The following SHC4 variants were observed in gnomAD, a reference collection of about 807,000 sequenced individuals.
SHC4 encodes the protein SHC-transforming protein 4.
Under a neutral mutation model 69.4 loss-of-function variants are expected in SHC4, and 41 were observed. The ratio of observed to expected loss-of-function variants is 0.59; its 90% confidence interval spans 0.46 to 0.77. The LOEUF (loss-of-function observed/expected upper bound fraction) is 0.77, where lower values mean the gene tolerates loss of function less well. Among genes scored for constraint, SHC4 ranks in the 30% least tolerant of loss-of-function variants. The pLI is 0.00. For synonymous variants in SHC4, 318 were observed against 299.3 expected (o/e 1.06, Z -0.64); for missense variants, 777 against 783.8 (o/e 0.99, Z 0.10).
At chr15:48,914,150 C>A (rs556542414) in intron 2 of SHC4, among the ~76,000 whole-genome samples, 2 of 152,240 alleles carry the variant, frequency 1.3e-5, no homozygotes, top group Non-Finnish European at 2.9e-5. Flanking sequence ...CATGAGCCAC[C>A]GCGCCCGGCG....
chr15:48,850,152 G>A (rs1254269629), intron 9 of SHC4, among the ~76,000 whole-genome samples: 2 of 152,148 alleles, frequency 1.3e-5, no homozygotes, highest in Admixed American at 6.5e-5. Flanking sequence ...GCAGTGAGCC[G>A]AGGTTGCGCC....
intron 1 of SHC4, among the ~76,000 whole-genome samples, chr15:48,958,761 A>G (rs1901493390): frequency 6.6e-6 from 1 of 152,200 alleles, no homozygotes; most frequent in African/African-American, 2.4e-5. Flanking sequence ...CTGCTGATGG[A>G]TGAATGGACT....
At chr15:48,943,758 T>C (rs1399958883) in intron 1 of SHC4, among the ~76,000 whole-genome samples, 1 of 152,172 alleles carries the variant, frequency 6.6e-6, no homozygotes, top group Non-Finnish European at 1.5e-5. Context: ...CCTTCACTTA[T>C]TGTCTCTTGT....
At chr15:48,861,535 C>G (rs961802958) in intron 6 of SHC4, among the ~76,000 whole-genome samples, 2 of 152,130 alleles carry the variant, frequency 1.3e-5, no homozygotes, top group African/African-American at 4.8e-5. Context: ...AGGATTAAAA[C>G]CAATTCCAAA....
At chr15:48,906,751 G>T (rs1900412087) in intron 2 of SHC4, among the ~76,000 whole-genome samples, 1 of 152,184 alleles carries the variant, frequency 6.6e-6, no homozygotes, top group African/African-American at 2.4e-5. Flanking sequence ...GGTTCCATGA[G>T]CTGCCCCAAT....
chr15:48,894,835 G>C (rs759021236), intron 2 of SHC4, among the ~76,000 whole-genome samples: 1 of 152,028 alleles, frequency 6.6e-6, no homozygotes, highest in Non-Finnish European at 1.5e-5. Context: ...TGCCAGGTTG[G>C]AGTGCAGTGG....
intron 1 of SHC4, among the ~76,000 whole-genome samples, chr15:48,939,138 G>T (rs770786532): frequency 1.3e-5 from 2 of 152,182 alleles, no homozygotes; most frequent in Non-Finnish European, 2.9e-5. Flanking sequence ...ATTGTCTTCA[G>T]TTCTACCTGC....
chr15:48,883,585 TA>T (rs776823182), intron 4 of SHC4, among the ~76,000 whole-genome samples: 8 of 152,164 alleles, frequency 5.3e-5, no homozygotes, highest in Non-Finnish European at 8.8e-5. Flanking sequence ...TTTAAAAAAT[TA>T]AAAGCAAGCC....
intron 6 of SHC4, among the ~76,000 whole-genome samples, chr15:48,863,878 A>G (rs2140988307): frequency 6.6e-6 from 1 of 152,286 alleles, no homozygotes; most frequent in South Asian, 2.1e-4. Context: ...GGGTAATCTT[A>G]CGAAAACCGC....
In SHC4 at chr15:48,830,898, G is replaced by T. The variant is rs534979478; in HGVS notation, c.1737+3871C>A. The stretch of plus-strand genomic sequence containing the variant: ...AGAATAAGGCATTGTTATCATAGGA[G>T]ATGACAACTCCATGCAAGTTATTGC... On this transcript the variant is annotated intron_variant, in intron 11 of 11. Transcript: ENST00000332408. 6.6e-5 allele frequency among the ~76,000 whole-genome samples: 10 copies of T among 152,284 alleles called. No homozygotes were observed. In the South Asian group the frequency reaches 2.1e-3, roughly 32 times the overall value.
chr15:48,899,147 G>C (rs1174924792), intron 2 of SHC4, among the ~76,000 whole-genome samples: 1 of 151,826 alleles, frequency 6.6e-6, no homozygotes, highest in African/African-American at 2.4e-5. Context: ...AAATTCTTCA[G>C]AGAATACTTG....
At chr15:48,863,738 T>C (rs1389452416) in intron 6 of SHC4, among the ~76,000 whole-genome samples, 1 of 152,206 alleles carries the variant, frequency 6.6e-6, no homozygotes, top group East Asian at 1.9e-4. Context: ...TGAAATATGA[T>C]GTCTAATTAT....
At position 48,825,844 on chromosome 15, in the gene SHC4, T is replaced by C. The variant is rs1898677926; in HGVS notation, c.*127A>G. The C allele has an allele frequency of 4.4e-6, 5 of 1,141,034 alleles. No individual in the cohort carries two copies. The highest frequency in any genetic ancestry group is 4.9e-6 in the Non-Finnish European group (4 of 813,090). The allele number at this position is 1,141,034 out of a possible 1,614,324, so 70.7% of individuals were successfully genotyped here. On this transcript the variant is annotated 3_prime_UTR_variant, in exon 12 of 12. Coordinates refer to ENST00000332408, the MANE Select transcript of SHC4 (RefSeq NM_203349.4). The stretch of plus-strand genomic sequence containing the variant: ...ATTTTATAGAGGACCTGGTCCATGA[T>C]GGTCTTGGAAAGATGCACTTCACAG...
At chr15:48,862,571 T>C (rs953898974) in intron 6 of SHC4, among the ~76,000 whole-genome samples, 4 of 152,250 alleles carry the variant, frequency 2.6e-5, no homozygotes, top group South Asian at 2.1e-4. Context: ...AGCTTCGGGA[T>C]TGTCAGCATG....
At chr15:48,849,187 T>C (rs8040253) in intron 9 of SHC4, among the ~76,000 whole-genome samples, 128,268 of 152,040 alleles carry the variant, frequency 0.84, 54,348 homozygotes, top group East Asian at 1. Context: ...GGTCCTGGCA[T>C]GCTTAGTTCT....
intron 2 of SHC4, among the ~76,000 whole-genome samples, chr15:48,904,139 C>T (rs1900363972): frequency 6.6e-6 from 1 of 152,104 alleles, no homozygotes; most frequent in South Asian, 2.1e-4. Context: ...TTATTCTGAC[C>T]CTTCTGGCTT....
At chr15:48,914,709 T>C (rs191049640) in intron 2 of SHC4, among the ~76,000 whole-genome samples, 4 of 152,318 alleles carry the variant, frequency 2.6e-5, no homozygotes, top group African/African-American at 9.6e-5. Flanking sequence ...ACTCCAAAAA[T>C]ATAAGTCATC....
intron 2 of SHC4, among the ~76,000 whole-genome samples, chr15:48,915,032 T>TC (rs1394925458): frequency 1.3e-5 from 2 of 152,244 alleles, no homozygotes; most frequent in Non-Finnish European, 2.9e-5. Context: ...AAACATCTGT[T>TC]CAAGTCCTCT....
intron 1 of SHC4, among the ~76,000 whole-genome samples, chr15:48,939,324 C>T (rs1225316451): frequency 1.3e-5 from 2 of 151,994 alleles, no homozygotes; most frequent in East Asian, 1.9e-4. Context: ...GACGCTGGGG[C>T]GAGTTATGAA....
Sources: allele counts gnomAD v4.1 joint callset (sites outside exome capture counted in the v4.1 genomes callset), GRCh38; gene constraint gnomAD v4.1.1; transcripts MANE v1.5; gene names NCBI Gene and HGNC (gene_info 2026-07-23, HGNC 2026-07-21).